TBC1D15: variants seen among roughly 807,000 people sequenced by gnomAD.
The protein encoded by TBC1D15 is TBC1 domain family member 15.
Under a neutral mutation model 95.4 loss-of-function variants are expected in TBC1D15, and 39 were observed. That is an observed-to-expected ratio of 0.41 (90% CI 0.32 to 0.53). The LOEUF is 0.53. Among genes scored for constraint, TBC1D15 ranks in the 20% least tolerant of loss-of-function variants. TBC1D15 has a pLI of 0.29. For synonymous variants in TBC1D15, 258 were observed against 261.3 expected (o/e 0.99, Z 0.12); for missense variants, 733 against 794.3 (o/e 0.92, Z 0.93).
At chr12:71,856,783 T>C (rs1321373480) in intron 1 of TBC1D15, among the ~76,000 whole-genome samples, 1 of 152,162 alleles carries the variant, frequency 6.6e-6, no homozygotes, top group Non-Finnish European at 1.5e-5. Context: ...ATTGGAACAA[T>C]TTTGTCAGTG....
rs148801353 is a variant in TBC1D15 at position 71,885,132 on chromosome 12, A to G, written c.554+111A>G. 281 of 946,018 alleles carry G rather than the reference A, an allele frequency of 3.0e-4. No homozygotes were observed. In the African/African-American group the frequency reaches 3.9e-3, roughly 13 times the overall value. 58.6% of individuals were successfully genotyped at this position (946,018 alleles called of 1,614,324 possible). ...CAGTGACCTATTTGCATATGAGGAC[A>G]TGAACAGCTTAGTTTTTTCTGGGAT... is the stretch of plus-strand genomic sequence containing the variant. On this transcript the variant is annotated intron_variant, in intron 5 of 16. Transcript: ENST00000485960.
intron 3 of TBC1D15, among the ~76,000 whole-genome samples, chr12:71,876,596 C>G (rs1001650432): frequency 1.3e-5 from 2 of 151,974 alleles, no homozygotes; most frequent in African/African-American, 4.8e-5. Flanking sequence ...TTTTTGTATC[C>G]CATGCCAACC....
chr12:71,851,573 C>T (rs773270573), intron 1 of TBC1D15, among the ~76,000 whole-genome samples: 1 of 152,354 alleles, frequency 6.6e-6, no homozygotes, highest in South Asian at 2.1e-4. Context: ...AAGTTAGTTA[C>T]TCCCAAGATT....
intron 9 of TBC1D15, 30 bp from the exon 10 acceptor site, chr12:71,897,817 C>G (rs768453668): frequency 6.4e-7 from 1 of 1,551,982 alleles, no homozygotes; most frequent in Non-Finnish European, 8.9e-7. Context: ...TTTCAAATAG[C>G]TTTCTTTGAT....
At chr12:71,888,569 C>CT (rs1027085818) in intron 5 of TBC1D15, among the ~76,000 whole-genome samples, 4 of 151,936 alleles carry the variant, frequency 2.6e-5, no homozygotes, top group Non-Finnish European at 5.9e-5. Context: ...TAGTTTTGAA[C>CT]TAAACTGGCT....
At chr12:71,882,763 A>C (rs1408076925) in intron 4 of TBC1D15, among the ~76,000 whole-genome samples, 4 of 152,192 alleles carry the variant, frequency 2.6e-5, no homozygotes, top group Non-Finnish European at 5.9e-5. Flanking sequence ...CTCTTCTAGC[A>C]CTGAGGATAT....
At chr12:71,887,042 A>G (rs934758560) in intron 5 of TBC1D15, among the ~76,000 whole-genome samples, 1 of 152,138 alleles carries the variant, frequency 6.6e-6, no homozygotes, top group African/African-American at 2.4e-5. Context: ...TGCATTTTAA[A>G]TGTGCTAGAC....
chr12:71,849,465 C>A, intron 1 of TBC1D15: 1 of 973,934 alleles, frequency 1.0e-6, no homozygotes, highest in Non-Finnish European at 1.7e-6. Context: ...AGATTCCAAA[C>A]TCATTCCAAA....
In TBC1D15 at chr12:71,894,757, T is replaced by C. The variant is rs1156622020; in HGVS notation, c.729T>C (p.Ser243=). The change falls in exon 7 of 17, where the codon AGT becomes AGC. Residue 243 remains serine (S), a synonymous_variant. Transcript: ENST00000485960. The stretch of plus-strand genomic sequence containing the variant: ...AAGTCACAAACTACATTTTTGACAG[T>C]TTGAGAGGCAGCGATCCCTCTACAC... ...FSKVTNYIFD[S]LRGSDPSTHQ... is the part of the protein sequence containing the mutation. 1 of 1,613,180 alleles carries C rather than the reference T, an allele frequency of 6.2e-7. No individual in the cohort carries two copies. The highest frequency in any genetic ancestry group is 8.5e-7 in the Non-Finnish European group (1 of 1,179,430).
At chr12:71,861,533 G>T in intron 1 of TBC1D15, 1 of 1,482,648 alleles carries the variant, frequency 6.7e-7, no homozygotes, top group Non-Finnish European at 9.0e-7. Flanking sequence ...GTATTTCTGT[G>T]GTATGTTTTA....
At chr12:71,882,527 T>C (rs1263515791) in intron 4 of TBC1D15, among the ~76,000 whole-genome samples, 1 of 152,232 alleles carries the variant, frequency 6.6e-6, no homozygotes, top group Non-Finnish European at 1.5e-5. Context: ...TTTGGTAACA[T>C]AGTAAATTCA....
rs1592815602 is a variant in TBC1D15 at position 71,909,956 on chromosome 12, T to C, written c.1300+2818T>C. Reference sequence around the variant, plus strand: ...CCATGACATACCCCAAAGAACATAATGTATAAAATAAAATAGCTTAGGGTT... The same window carrying C: ...CCATGACATACCCCAAAGAACATAACGTATAAAATAAAATAGCTTAGGGTT... On this transcript the variant is annotated intron_variant, in intron 11 of 16. Coordinates refer to ENST00000485960, the MANE Select transcript of TBC1D15 (RefSeq NM_001146213.3). 2.6e-5 allele frequency among the ~76,000 whole-genome samples: 4 copies of C among 152,236 alleles called. No homozygotes were observed. The East Asian group carries it at 7.7e-4, about 29-fold the overall frequency.
intron 1 of TBC1D15, among the ~76,000 whole-genome samples, chr12:71,842,830 C>CAAAA (rs58842371): frequency 7.1e-5 from 6 of 84,850 alleles, no homozygotes; most frequent in Non-Finnish European, 1.1e-4. Context: ...GACCCTGTCT[C>CAAAA]AAAAAAAAAA....
intron 16 of TBC1D15, among the ~76,000 whole-genome samples, chr12:71,921,848 C>T (rs1869478077): frequency 6.6e-6 from 1 of 152,170 alleles, no homozygotes; most frequent in Non-Finnish European, 1.5e-5. Flanking sequence ...CTGTGTCACT[C>T]ACTTATATTA....
chr12:71,913,687 G>T, intron 11 of TBC1D15, 139 bp from the exon 12 acceptor site: 1 of 579,330 alleles, frequency 1.7e-6, no homozygotes, highest in Non-Finnish European at 3.0e-6. Context: ...TTCTTTTCTT[G>T]GTGAACATCA....
rs1202229847 is a variant in TBC1D15 at position 71,861,516 on chromosome 12, A to G, written c.31-10554A>G. On this transcript the variant is annotated intron_variant, in intron 1 of 16. Transcript: ENST00000485960. The stretch of plus-strand genomic sequence containing the variant: ...AGTATGGTAGGTAGTCTCTCTAATG[A>G]TCCTTTGTATTTCTGTGGTATGTTT... 4.0e-6 allele frequency: 6 copies of G among 1,512,720 alleles called. No homozygotes were observed. The Admixed American group carries it at 9.6e-5, about 24-fold the overall frequency. The allele number at this position is 1,512,720 out of a possible 1,614,324, so 93.7% of individuals were successfully genotyped here.
In TBC1D15 at chr12:71,877,212, T is replaced by TG. The variant is rs1894058762; in HGVS notation, c.205-3257_205-3256insG. 3.3e-5 allele frequency among the ~76,000 whole-genome samples: 4 copies of TG among 122,716 alleles called. 1 individual carries two copies. The highest frequency in any genetic ancestry group is 9.0e-5 in the African/African-American group (3 of 33,452). The allele number at this position is 122,716 out of a possible 152,430, so 80.5% of individuals were successfully genotyped here. A position where few individuals can be genotyped will look rare whatever the true frequency, so the allele number is the denominator to read the frequency against. ...ATGTTATGTGTGTGTGTGTGTGTGT[T>TG]TTTTTTTTTTTTAAACCTCTCTAGA... On this transcript the variant is annotated intron_variant, in intron 3 of 16. Coordinates refer to ENST00000485960, the MANE Select transcript of TBC1D15 (RefSeq NM_001146213.3).
At chr12:71,914,238 G>A (rs772652225) in intron 12 of TBC1D15, among the ~76,000 whole-genome samples, 3 of 151,880 alleles carry the variant, frequency 2.0e-5, no homozygotes, top group South Asian at 2.1e-4. Context: ...TCAATTTTGT[G>A]GAATAGTTGA....
intron 14 of TBC1D15, among the ~76,000 whole-genome samples, chr12:71,920,272 T>G (rs1223587622): frequency 6.6e-6 from 1 of 152,202 alleles, no homozygotes; most frequent in African/African-American, 2.4e-5. Flanking sequence ...ATTTAGAATG[T>G]AGAGCTACCT....
Sources: gnomAD v4.1 joint callset for allele counts (sites outside exome capture counted in the v4.1 genomes callset) on GRCh38, gnomAD v4.1.1 for gene constraint, MANE v1.5 for transcripts, NCBI Gene and HGNC (gene_info 2026-07-23, HGNC 2026-07-21) for gene names.